Variants in DAGLA observed in about 807,000 individuals in gnomAD.
The protein encoded by DAGLA is diacylglycerol lipase alpha.
In DAGLA, 22 loss-of-function variants were observed where a neutral mutation model predicts 102.6. That is an observed-to-expected ratio of 0.21 (90% CI 0.15 to 0.31). The LOEUF is 0.31. DAGLA is among the 10% of genes least tolerant of loss of function. The pLI, the probability that DAGLA is intolerant of heterozygous loss-of-function variation, is 1.00. For missense variants in DAGLA, 927 were observed against 1,446.6 expected, an observed-to-expected ratio of 0.64 and a Z score of 5.83; for synonymous variants, 578 against 628.9, an observed-to-expected ratio of 0.92 and a Z score of 1.21.
chr11:61,726,191 G>A, intron 6 of DAGLA, 109 bp downstream of exon 6: 2 of 1,061,428 alleles, frequency 1.9e-6, no homozygotes, highest in Non-Finnish European at 2.8e-6. Flanking sequence ...GTGGGAAGGA[G>A]CTGGGTTTCC....
chr11:61,740,343 G>A lies in DAGLA; in HGVS notation c.1854-120G>A, dbSNP rs1427330183. The A allele has an allele frequency of 1.1e-5, 14 of 1,322,478 alleles. No individual in the cohort carries two copies. In the East Asian group the frequency reaches 2.6e-4, roughly 24 times the overall value. The allele number at this position is 1,322,478 out of a possible 1,614,324, so 81.9% of individuals were successfully genotyped here. A position where few individuals can be genotyped will look rare whatever the true frequency, so the allele number is the denominator to read the frequency against. ...CAGAGCCCTGCTGCCAGGCAGGCCA[G>A]GGGCCTCCAAACCATGCCAGCTCTG... On this transcript the variant is annotated intron_variant, in intron 17 of 19. Transcript: ENST00000257215.
intron 5 of DAGLA, 121 bp downstream of exon 5, chr11:61,723,693 C>T (rs1193882787): frequency 2.1e-5 from 27 of 1,315,572 alleles, no homozygotes; most frequent in Non-Finnish European, 2.6e-5. Flanking sequence ...TCGTGTGAGC[C>T]GTGGGCATTA....
intron 1 of DAGLA, among the ~76,000 whole-genome samples, chr11:61,711,836 C>T (rs1174080781): frequency 2.6e-5 from 4 of 152,306 alleles, no homozygotes; most frequent in Non-Finnish European, 2.9e-5. Context: ...CTGGCTCTGC[C>T]GCTGAAGAGC....
chr11:61,713,522 C>A (rs1164953359), intron 1 of DAGLA, among the ~76,000 whole-genome samples: 2 of 152,220 alleles, frequency 1.3e-5, no homozygotes, highest in Non-Finnish European at 2.9e-5. Context: ...CCTGTCACTA[C>A]CCAGGATCCT....
chr11:61,723,604 G>C (rs1236136079), intron 5 of DAGLA, 32 bp downstream of exon 5: 1 of 1,604,570 alleles, frequency 6.2e-7, no homozygotes, highest in African/African-American at 1.3e-5. Context: ...GCAGTCCCAG[G>C]GTGGGCTTTG....
rs926589474 is a variant in DAGLA, at chr11:61,736,633, A to G, written c.1371+283A>G. Among the ~76,000 whole-genome samples the G allele has an allele frequency of 6.6e-5, 10 of 152,382 alleles. No homozygotes were observed. In the South Asian group the frequency reaches 2.1e-3, roughly 32 times the overall value. On this transcript the variant is annotated intron_variant, in intron 13 of 19. Coordinates refer to ENST00000257215, the MANE Select transcript of DAGLA (RefSeq NM_006133.3). The stretch of plus-strand genomic sequence containing the variant: ...GACGGCTTTTAAGCCTCATAGCTGC[A>G]GAACCGTTTGTCAGAAGGAAACATG...
At chr11:61,719,028 C>T (rs1470591767) in intron 1 of DAGLA, among the ~76,000 whole-genome samples, 2 of 152,256 alleles carry the variant, frequency 1.3e-5, no homozygotes, top group South Asian at 2.1e-4. Flanking sequence ...TGGCCCCCGG[C>T]GGGGGACAGC....
At chr11:61,698,457 G>A (rs1449384885) in intron 1 of DAGLA, among the ~76,000 whole-genome samples, 4 of 152,174 alleles carry the variant, frequency 2.6e-5, no homozygotes, top group Non-Finnish European at 5.9e-5. Flanking sequence ...GCTAACTTTG[G>A]TTTCTGCTTT....
At position 61,715,558 on chromosome 11, in the gene DAGLA, C is replaced by G. The variant is rs941692673; in HGVS notation, c.-44-4554C>G. On this transcript the variant is annotated intron_variant, in intron 1 of 19. Transcript: ENST00000257215. ...TAAAATCTGCTCCCAGGGCCAAGCCCACAGGGTACCTTAGGACGAGGGGGC... is the reference window on the plus strand; with the variant it reads ...TAAAATCTGCTCCCAGGGCCAAGCCGACAGGGTACCTTAGGACGAGGGGGC... Among the ~76,000 whole-genome samples, 6 of 152,350 alleles carry G rather than the reference C, an allele frequency of 3.9e-5. No homozygotes were observed. In the East Asian group the frequency reaches 1.2e-3, roughly 29 times the overall value.
intron 1 of DAGLA, among the ~76,000 whole-genome samples, chr11:61,703,961 T>G (rs1453702338): frequency 6.6e-6 from 1 of 152,046 alleles, no homozygotes; most frequent in African/African-American, 2.4e-5. Context: ...ACACAAAGAG[T>G]AAGACCCCAT....
intron 1 of DAGLA, among the ~76,000 whole-genome samples, chr11:61,699,670 C>G (rs899887782): frequency 1.3e-5 from 2 of 152,256 alleles, no homozygotes; most frequent in South Asian, 2.1e-4. Flanking sequence ...TCTGTCACCT[C>G]ACAGTCAGGC....
intron 1 of DAGLA, among the ~76,000 whole-genome samples, chr11:61,685,848 A>G (rs1424006571): frequency 2.0e-5 from 3 of 151,926 alleles, no homozygotes; most frequent in Non-Finnish European, 4.4e-5. Context: ...CTGGGAGGGG[A>G]AACTGCTGCC....
chr11:61,687,338 C>CT (rs879495403), intron 1 of DAGLA, among the ~76,000 whole-genome samples: 63 of 146,952 alleles, frequency 4.3e-4, no homozygotes, highest in East Asian at 1.4e-3. Context: ...CTCTAGCACT[C>CT]TTTTTTTTTT....
At chr11:61,713,055 T>C (rs978345410) in intron 1 of DAGLA, among the ~76,000 whole-genome samples, 3 of 152,174 alleles carry the variant, frequency 2.0e-5, no homozygotes, top group Non-Finnish European at 4.4e-5. Context: ...GTGTTTCTAG[T>C]GCCTTGCTCT....
Position 61,686,690 on chromosome 11 carries a change from G to C in DAGLA, c.-45+6186G>C, listed in dbSNP as rs777934746. Among the ~76,000 whole-genome samples, 5 of 152,202 alleles carry C rather than the reference G, an allele frequency of 3.3e-5. No individual in the cohort carries two copies. Among genetic ancestry groups the C allele is most frequent in the Admixed American group, 3.3e-4 (5 of 15,282 alleles). ...GAGGTCGGGACGGTGGCCCTCCGCT[G>C]TGTAAGGTGAGACAGGATGCTGCCT... On this transcript the variant is annotated intron_variant, in intron 1 of 19. Transcript: ENST00000257215. This position sits in a 1 kb window ranked among gnomAD's most constrained non-coding sequence, Gnocchi z 5.2.
At chr11:61,719,292 G>C (rs1004292863) in intron 1 of DAGLA, among the ~76,000 whole-genome samples, 1 of 152,188 alleles carries the variant, frequency 6.6e-6, no homozygotes, top group Admixed American at 6.5e-5. Flanking sequence ...CATGGCTCAG[G>C]GTGGGCTTGG....
intron 10 of DAGLA, among the ~76,000 whole-genome samples, chr11:61,735,320 G>C (rs974320289): frequency 6.6e-6 from 1 of 152,158 alleles, no homozygotes; most frequent in Non-Finnish European, 1.5e-5. Flanking sequence ...GGACTCAGGG[G>C]CAAGTGGTGG....
At chr11:61,687,186 C>T (rs2064992208) in intron 1 of DAGLA, among the ~76,000 whole-genome samples, 1 of 152,162 alleles carries the variant, frequency 6.6e-6, no homozygotes, top group African/African-American at 2.4e-5. Context: ...GCATCACCTG[C>T]TCAGGGACAC....
At chr11:61,728,074 C>A in intron 6 of DAGLA, 79 bp from the exon 7 acceptor site, 1 of 1,543,762 alleles carries the variant, frequency 6.5e-7, no homozygotes. Context: ...AGCCTCCCAG[C>A]CCTGGGGGAT....
Sources: allele counts gnomAD v4.1 joint callset (sites outside exome capture counted in the v4.1 genomes callset), GRCh38; gene constraint gnomAD v4.1.1; non-coding constraint Gnocchi (gnomAD v3.1); transcripts MANE v1.5; gene names NCBI Gene and HGNC (gene_info 2026-07-23, HGNC 2026-07-21).